The following HLCS variants were observed in gnomAD, a reference collection of about 807,000 sequenced individuals.
HLCS encodes the protein holocarboxylase synthetase, also known as biotin--protein ligase.
HLCS carries 53 observed loss-of-function variants against 75.0 expected under a neutral mutation model. The observed-to-expected ratio is 0.71, with a 90% CI of 0.57 to 0.89. The LOEUF is 0.89. HLCS is among the 40% of genes least tolerant of loss of function. The pLI is 0.00. For missense variants in HLCS, 966 were observed against 1,074.0 expected (o/e 0.90, Z 1.41); for synonymous variants, 431 against 428.6 (o/e 1.01, Z -0.07).
intron 5 of HLCS, among the ~76,000 whole-genome samples, chr21:36,903,438 T>C (rs8132874): frequency 0.21 from 32,002 of 151,988 alleles, 3,764 homozygotes; most frequent in African/African-American, 0.29. Context: ...TGTCACCAGG[T>C]CACCACACAG....
intron 5 of HLCS, among the ~76,000 whole-genome samples, chr21:36,900,175 G>A (rs906868486): frequency 2.0e-5 from 3 of 152,046 alleles, no homozygotes; most frequent in Non-Finnish European, 4.4e-5. Context: ...TACACAGAAT[G>A]TTAGAGAGTA....
At chr21:36,825,211 C>T (rs12627335) in intron 6 of HLCS, among the ~76,000 whole-genome samples, 12,584 of 151,860 alleles carry the variant, frequency 0.083, 751 homozygotes, top group South Asian at 0.17. Context: ...GTGAGAGGTC[C>T]TGTCTCTATA....
At chr21:36,888,490 ATATATATT>A (rs1326447281) in intron 6 of HLCS, among the ~76,000 whole-genome samples, 31 of 77,420 alleles carry the variant, frequency 4.0e-4, no homozygotes, top group East Asian at 7.1e-4. Context: ...ATATATATAT[ATATATATT>A]TATTTATTTA....
At chr21:36,847,647 A>G (rs866103682) in intron 6 of HLCS, among the ~76,000 whole-genome samples, 2 of 152,248 alleles carry the variant, frequency 1.3e-5, no homozygotes, top group Admixed American at 6.5e-5. Context: ...TTGGGCTATC[A>G]CTAAGCTAGA....
At chr21:36,926,229 A>G (rs1009513365) in intron 5 of HLCS, among the ~76,000 whole-genome samples, 4 of 152,184 alleles carry the variant, frequency 2.6e-5, no homozygotes, top group Non-Finnish European at 5.9e-5. Context: ...AAGCAGGGGT[A>G]GGGCACCCAG....
intron 6 of HLCS, among the ~76,000 whole-genome samples, chr21:36,834,393 G>A (rs1487281704): frequency 6.6e-6 from 1 of 152,212 alleles, no homozygotes; most frequent in African/African-American, 2.4e-5. Flanking sequence ...GTCCAAGTGT[G>A]ACCAAGATGG....
intron 6 of HLCS, among the ~76,000 whole-genome samples, chr21:36,866,347 T>C (rs1249116462): frequency 2.0e-5 from 3 of 152,172 alleles, no homozygotes; most frequent in South Asian, 4.1e-4. Context: ...CATCAACAAA[T>C]GTGACATGAT....
At chr21:36,809,618 A>C (rs2061454506) in intron 6 of HLCS, among the ~76,000 whole-genome samples, 1 of 152,138 alleles carries the variant, frequency 6.6e-6, no homozygotes, top group Non-Finnish European at 1.5e-5. Context: ...TATTTGAGAT[A>C]ACTATTTTCA....
chr21:36,797,597 A>G (rs1482800008), intron 6 of HLCS, among the ~76,000 whole-genome samples: 2 of 152,198 alleles, frequency 1.3e-5, no homozygotes, highest in Non-Finnish European at 2.9e-5. Context: ...CCATTTAAAC[A>G]TATCAGATTA....
intron 6 of HLCS, among the ~76,000 whole-genome samples, chr21:36,772,192 A>C (rs1445848595): frequency 6.6e-6 from 1 of 152,180 alleles, no homozygotes; most frequent in African/African-American, 2.4e-5. Flanking sequence ...TATTTTACAA[A>C]GTATTTTTCT....
chr21:36,924,855 T>C (rs2066332059), intron 5 of HLCS, among the ~76,000 whole-genome samples: 1 of 152,292 alleles, frequency 6.6e-6, no homozygotes, highest in Middle Eastern at 3.4e-3. Context: ...GGAACAACTG[T>C]GTGGTATGTA....
At position 36,920,210 on chromosome 21, in the gene HLCS, T is replaced by C. The variant is rs1249466024; in HGVS notation, c.1620+10041A>G. On this transcript the variant is annotated intron_variant, in intron 5 of 10. Coordinates refer to ENST00000674895, the MANE Select transcript of HLCS (RefSeq NM_001352514.2). ...ATAGCCAGGTATGGCGATATGTGCCTGTAGTCCCCGCTGCTTGGGAGGCTG... is the reference window on the plus strand; with the variant it reads ...ATAGCCAGGTATGGCGATATGTGCCCGTAGTCCCCGCTGCTTGGGAGGCTG... 2.0e-5 allele frequency among the ~76,000 whole-genome samples: 3 copies of C among 151,982 alleles called. No homozygotes were observed. In the East Asian group the frequency reaches 5.8e-4, roughly 29 times the overall value.
At chr21:36,814,921 G>A (rs2061615547) in intron 6 of HLCS, among the ~76,000 whole-genome samples, 1 of 152,214 alleles carries the variant, frequency 6.6e-6, no homozygotes, top group Non-Finnish European at 1.5e-5. Flanking sequence ...TGCAATGGGT[G>A]GAGAAGCAGG....
chr21:36,936,415 C>T lies in HLCS; in HGVS notation c.1437+34G>A, dbSNP rs759342900. 110 of 1,564,094 alleles carry T rather than the reference C, an allele frequency of 7.0e-5. 1 individual carries two copies. The South Asian group carries it at 1.2e-3, about 17-fold the overall frequency. On this transcript the variant is annotated intron_variant, in intron 4 of 10. Coordinates refer to ENST00000674895, the MANE Select transcript of HLCS (RefSeq NM_001352514.2). The stretch of plus-strand genomic sequence containing the variant: ...CCCTCGCAAAAATACCCACAGATAC[C>T]CAAAGATCACCAAATCCATGCTGCC...
chr21:36,966,885 T>TGGC (rs1301019396), upstream of HLCS, among the ~76,000 whole-genome samples: 1 of 110,732 alleles, frequency 9.0e-6, no homozygotes, highest in Admixed American at 8.6e-5. Context: ...CCAGGGCTGG[T>TGGC]GGCGGCGGCG....
intron 5 of HLCS, among the ~76,000 whole-genome samples, chr21:36,921,271 C>T (rs1055721181): frequency 6.6e-6 from 1 of 152,086 alleles, no homozygotes; most frequent in Non-Finnish European, 1.5e-5. Context: ...ATGGTGAAAC[C>T]CCGTCTCTAC....
chr21:36,965,898 G>T (rs1303194067), intron 1 of HLCS, among the ~76,000 whole-genome samples: 2 of 150,180 alleles, frequency 1.3e-5, no homozygotes, highest in African/African-American at 4.9e-5. Context: ...CTACAGGCGC[G>T]TGCCACCACG....
At chr21:36,777,766 G>T (rs7509790) in intron 6 of HLCS, among the ~76,000 whole-genome samples, 4 of 151,944 alleles carry the variant, frequency 2.6e-5, no homozygotes, top group African/African-American at 9.7e-5. Context: ...GCCTGACATC[G>T]GGAGGCAGGC....
Position 36,892,412 on chromosome 21 carries a change from G to C in HLCS, c.1892+4448C>G, listed in dbSNP as rs372821565. Among the ~76,000 whole-genome samples the C allele has an allele frequency of 5.3e-5, 8 of 152,346 alleles. No individual in the cohort carries two copies. The East Asian group carries it at 1.5e-3, about 29-fold the overall frequency. On this transcript the variant is annotated intron_variant, in intron 6 of 10. Transcript: ENST00000674895. The stretch of plus-strand genomic sequence containing the variant: ...GGGTGCAGGGAGACTTGATGGTCGT[G>C]ATTTCTACTACAGCAGTGTGGCACA...
Sources: gnomAD v4.1 joint callset for allele counts (sites outside exome capture counted in the v4.1 genomes callset) on GRCh38, gnomAD v4.1.1 for gene constraint, MANE v1.5 for transcripts, NCBI Gene and HGNC (gene_info 2026-07-23, HGNC 2026-07-21) for gene names.